The following CNTN3 variants were observed in gnomAD, a reference collection of about 807,000 sequenced individuals.
CNTN3 encodes the protein contactin 3.
Under a neutral mutation model 119.1 loss-of-function variants are expected in CNTN3, and 60 were observed. The ratio of observed to expected loss-of-function variants is 0.50; its 90% CI spans 0.41 to 0.62. The LOEUF (loss-of-function observed/expected upper bound fraction) is 0.62. Among genes scored for constraint, CNTN3 ranks in the 20% least tolerant of loss-of-function variants. The probability of loss-of-function intolerance (pLI) is 0.00; values close to 1 mark genes in which losing one functional copy is unlikely to be tolerated. For synonymous variants in CNTN3, 450 were observed against 438.7 expected (o/e 1.03, Z -0.32); for missense variants, 1,101 against 1,242.4 (o/e 0.89, Z 1.71).
rs543458684 is a variant in CNTN3, at chr3:74,341,203, T to G, written c.1365-4545A>C. Among the ~76,000 whole-genome samples the G allele has an allele frequency of 4.7e-4, 71 of 152,322 alleles. 1 individual carries two copies. The South Asian group carries it at 0.014, about 31-fold the overall frequency. ...AGTTCTAAGAGGCCCACAGGGCATT[T>G]GCACAACATAAAAATAAACAATATT... On this transcript the variant is annotated intron_variant, in intron 11 of 22. Coordinates refer to ENST00000263665, the MANE Select transcript of CNTN3 (RefSeq NM_020872.3).
intron 1 of CNTN3, among the ~76,000 whole-genome samples, chr3:74,549,704 T>A (rs1467881071): frequency 6.6e-6 from 1 of 152,156 alleles, no homozygotes; most frequent in African/African-American, 2.4e-5. Context: ...AGGTTGCCAG[T>A]GTTAAATGGG....
intron 5 of CNTN3, among the ~76,000 whole-genome samples, chr3:74,391,185 C>A (rs558892959): frequency 4.6e-5 from 7 of 152,324 alleles, no homozygotes; most frequent in South Asian, 2.1e-4. Context: ...TCTCTTACTG[C>A]ATGCTTCCTC....
chr3:74,309,479 CTG>C (rs1702634562), intron 13 of CNTN3, among the ~76,000 whole-genome samples: 1 of 152,160 alleles, frequency 6.6e-6, no homozygotes, highest in East Asian at 1.9e-4. Context: ...TTGAAAAACA[CTG>C]TGCTATCCAG....
intron 4 of CNTN3, among the ~76,000 whole-genome samples, chr3:74,449,414 G>A (rs2106944310): frequency 6.6e-6 from 1 of 151,122 alleles, no homozygotes; most frequent in East Asian, 2.0e-4. Flanking sequence ...CAAAAAAAAT[G>A]GCAATTGTTT....
chr3:74,323,310 A>G (rs1365562367), intron 13 of CNTN3, among the ~76,000 whole-genome samples: 1 of 150,906 alleles, frequency 6.6e-6, no homozygotes, highest in African/African-American at 2.4e-5. Flanking sequence ...CTGTGTAATA[A>G]ATAAAGTTTA....
Position 74,451,964 on chromosome 3 carries a change from GTTCTTTTGGC to G in CNTN3, c.359-27034_359-27025del, listed in dbSNP as rs1215878317. Among the ~76,000 whole-genome samples, 17 of 126,144 alleles carry G rather than the reference GTTCTTTTGGC, an allele frequency of 1.3e-4. 1 individual carries two copies. Among genetic ancestry groups the G allele is most frequent in the Admixed American group, 6.5e-4 (8 of 12,238 alleles). The allele number at this position is 126,144 out of a possible 152,430, so 82.8% of individuals were successfully genotyped here. A position where few individuals can be genotyped will look rare whatever the true frequency, so the allele number is the denominator to read the frequency against. On this transcript the variant is annotated intron_variant, in intron 4 of 22. Transcript: ENST00000263665. The stretch of plus-strand genomic sequence containing the variant: ...CAGGTAGCGTGAGGCCTCCAGCTTT[GTTCTTTTGGC>G]TTAGGATTGACTTGGCGATGCAGGC...
chr3:74,339,701 T>C (rs1052379086), intron 11 of CNTN3, among the ~76,000 whole-genome samples: 1 of 152,014 alleles, frequency 6.6e-6, no homozygotes, highest in African/African-American at 2.4e-5. Context: ...TGGTACAGAG[T>C]AGACATTCAA....
chr3:74,349,125 A>G (rs977131596), intron 11 of CNTN3, among the ~76,000 whole-genome samples: 1 of 152,014 alleles, frequency 6.6e-6, no homozygotes, highest in Non-Finnish European at 1.5e-5. Context: ...TTTGTTATGC[A>G]GCAAAAGTTA....
At chr3:74,357,833 A>G (rs908029411) in intron 11 of CNTN3, among the ~76,000 whole-genome samples, 1 of 152,124 alleles carries the variant, frequency 6.6e-6, no homozygotes, top group Non-Finnish European at 1.5e-5. Context: ...CCATTAAAAA[A>G]TTGTCTTCTA....
chr3:74,352,786 A>G (rs1406310560), intron 11 of CNTN3, among the ~76,000 whole-genome samples: 3 of 152,160 alleles, frequency 2.0e-5, no homozygotes, highest in Non-Finnish European at 1.5e-5. Context: ...CCTGTGCTTC[A>G]AGGTTCAACA....
intron 13 of CNTN3, among the ~76,000 whole-genome samples, chr3:74,312,431 G>T: frequency 7.2e-6 from 1 of 139,784 alleles, no homozygotes; most frequent in South Asian, 2.3e-4. Flanking sequence ...ACTCCAGCCT[G>T]GGTGACAGAG....
At chr3:74,476,075 A>G (rs959095340) in intron 4 of CNTN3, among the ~76,000 whole-genome samples, 7 of 152,152 alleles carry the variant, frequency 4.6e-5, no homozygotes, top group Admixed American at 3.3e-4. Flanking sequence ...CGGAGAAAAT[A>G]TAGGTGTTAG....
At chr3:74,423,023 A>C (rs1701641409) in intron 5 of CNTN3, among the ~76,000 whole-genome samples, 2 of 152,214 alleles carry the variant, frequency 1.3e-5, no homozygotes, top group Non-Finnish European at 2.9e-5. Context: ...TAAGGATCAC[A>C]GAACTTAGAG....
intron 19 of CNTN3, among the ~76,000 whole-genome samples, chr3:74,290,236 C>T (rs946427404): frequency 1.2e-4 from 19 of 152,134 alleles, no homozygotes; most frequent in Non-Finnish European, 2.4e-4. Flanking sequence ...GATGGTGTAG[C>T]GTAGTGCTCC....
intron 3 of CNTN3, among the ~76,000 whole-genome samples, chr3:74,497,041 C>T (rs2107071693): frequency 6.6e-6 from 1 of 152,052 alleles, no homozygotes; most frequent in Non-Finnish European, 1.5e-5. Flanking sequence ...GTTTGGATTG[C>T]CTTTAACAAG....
At chr3:74,335,947 A>G (rs896432037) in intron 12 of CNTN3, among the ~76,000 whole-genome samples, 3 of 152,034 alleles carry the variant, frequency 2.0e-5, no homozygotes, top group Non-Finnish European at 4.4e-5. Flanking sequence ...TCTTGTTTAC[A>G]ATTTTTGCCT....
rs79617168 is a variant in CNTN3, at chr3:74,486,200, G to GCACA, written c.358+252_358+255dup. Among the ~76,000 whole-genome samples, 985 of 147,796 alleles carry GCACA rather than the reference G, an allele frequency of 6.7e-3. 14 individuals are homozygous for GCACA. The highest frequency in any genetic ancestry group is 0.022 in the African/African-American group (894 of 39,974). ...AATCCTTGTGAAATACTAAAATAGA[G>GCACA]CACACACACACACACACACACACCC... On this transcript the variant is annotated intron_variant, in intron 4 of 22. Transcript: ENST00000263665.
At chr3:74,604,708 T>C (rs945543972) in intron 1 of CNTN3, among the ~76,000 whole-genome samples, 1 of 152,080 alleles carries the variant, frequency 6.6e-6, no homozygotes, top group Non-Finnish European at 1.5e-5. Flanking sequence ...AGAGGGAATG[T>C]CAATTACTGT....
At chr3:74,507,897 G>T (rs1488488736) in intron 2 of CNTN3, among the ~76,000 whole-genome samples, 1 of 151,840 alleles carries the variant, frequency 6.6e-6, no homozygotes, top group East Asian at 1.9e-4. Flanking sequence ...CTCCCAAAGT[G>T]CTAGGATTAT....
Sources: allele counts gnomAD v4.1 joint callset (sites outside exome capture counted in the v4.1 genomes callset), GRCh38; gene constraint gnomAD v4.1.1; transcripts MANE v1.5; gene names NCBI Gene and HGNC (gene_info 2026-07-23, HGNC 2026-07-21).